The following KLHL32 variants were observed in gnomAD, a reference collection of about 807,000 sequenced individuals.
KLHL32 encodes the protein kelch like family member 32.
Under a neutral mutation model 64.8 loss-of-function variants are expected in KLHL32, and 35 were observed. The ratio of observed to expected loss-of-function variants is 0.54; its 90% CI spans 0.41 to 0.72. The LOEUF is 0.72. Among genes scored for constraint, KLHL32 ranks in the 30% least tolerant of loss-of-function variants. KLHL32 has a pLI of 0.00. For missense variants in KLHL32, 589 were observed against 768.5 expected (o/e 0.77, Z 2.76); for synonymous variants, 259 against 281.0 (o/e 0.92, Z 0.78).
At chr6:96,990,525 G>T (rs1166676485) in intron 3 of KLHL32, among the ~76,000 whole-genome samples, 1 of 152,134 alleles carries the variant, frequency 6.6e-6, no homozygotes, top group African/African-American at 2.4e-5. Context: ...TCAATTTCTG[G>T]CTGCAGATCT....
intron 1 of KLHL32, among the ~76,000 whole-genome samples, chr6:96,933,581 C>T (rs985621805): frequency 1.3e-5 from 2 of 152,122 alleles, no homozygotes; most frequent in Admixed American, 1.3e-4. Flanking sequence ...ATTCATTTCC[C>T]CTTTGTATCT....
intron 3 of KLHL32, among the ~76,000 whole-genome samples, chr6:96,992,870 T>G (rs546305456): frequency 6.6e-6 from 1 of 152,374 alleles, no homozygotes; most frequent in South Asian, 2.1e-4. Flanking sequence ...AGAGCTGATT[T>G]TCACACATCT....
chr6:96,902,063 TTAA>T, the KLHL32 span, among the ~76,000 whole-genome samples: 3 of 152,182 alleles, frequency 2.0e-5, no homozygotes, highest in East Asian at 3.8e-4. Flanking sequence ...TGTCTTTTTA[TTAA>T]TAATAGAACA....
At chr6:97,021,000 C>G (rs1781910165) in intron 3 of KLHL32, among the ~76,000 whole-genome samples, 1 of 150,516 alleles carries the variant, frequency 6.6e-6, no homozygotes, top group African/African-American at 2.5e-5. Flanking sequence ...TATATGTATT[C>G]CTATATGATA....
intron 3 of KLHL32, among the ~76,000 whole-genome samples, chr6:97,004,177 G>C (rs767674002): frequency 4.6e-5 from 7 of 151,916 alleles, no homozygotes; most frequent in Non-Finnish European, 1.0e-4. Flanking sequence ...TGTAAATCTT[G>C]TAGAGATCTT....
upstream of KLHL32, among the ~76,000 whole-genome samples, chr6:96,924,239 AC>A: frequency 6.6e-6 from 1 of 152,300 alleles, no homozygotes; most frequent in Non-Finnish European, 1.5e-5. Context: ...TCCCTGGAAC[AC>A]CGAGTTAGGG....
intron 3 of KLHL32, among the ~76,000 whole-genome samples, chr6:97,031,340 CA>C (rs1197278488): frequency 1.9e-4 from 27 of 142,254 alleles, no homozygotes; most frequent in African/African-American, 7.0e-4. Context: ...AAGTTTTTAA[CA>C]TTTTTTTTTT....
intron 1 of KLHL32, among the ~76,000 whole-genome samples, chr6:96,928,075 A>G (rs535803984): frequency 7.2e-5 from 11 of 152,358 alleles, no homozygotes; most frequent in African/African-American, 2.6e-4. Context: ...TGCAGGTTAT[A>G]GACATGTACA....
rs545184175 is a variant in KLHL32, at chr6:96,944,852, T to G, written c.-66+19826T>G. Among the ~76,000 whole-genome samples, 85 of 152,348 alleles carry G rather than the reference T, an allele frequency of 5.6e-4. 1 individual carries two copies. The highest frequency in any genetic ancestry group is 4.1e-3 in the Admixed American group (63 of 15,306). On this transcript the variant is annotated intron_variant, in intron 1 of 10. Transcript: ENST00000369261. ...GTCTTCTTTGGTGGAATCTTCTGAA[T>G]CTATTCTTCATCGAAGAATAAACAG...
intron 1 of KLHL32, among the ~76,000 whole-genome samples, chr6:96,943,586 C>G (rs1020942762): frequency 6.6e-6 from 1 of 152,170 alleles, no homozygotes; most frequent in Admixed American, 6.5e-5. Context: ...ACTGGCTTGG[C>G]CAGTGAAACC....
chr6:96,927,221 C>T (rs1443770153), intron 1 of KLHL32, among the ~76,000 whole-genome samples: 1 of 151,848 alleles, frequency 6.6e-6, no homozygotes, highest in African/African-American at 2.4e-5. Context: ...TTTTTCTTGC[C>T]ATAAGGCCAA....
intron 6 of KLHL32, among the ~76,000 whole-genome samples, chr6:97,091,612 T>G (rs1345374095): frequency 6.6e-6 from 1 of 152,214 alleles, no homozygotes; most frequent in African/African-American, 2.4e-5. Context: ...TAATGATTTC[T>G]TTGCCAAGTT....
chr6:97,128,847 G>A (rs978691892), intron 8 of KLHL32, among the ~76,000 whole-genome samples: 9 of 152,260 alleles, frequency 5.9e-5, no homozygotes, highest in Non-Finnish European at 1.0e-4. Flanking sequence ...ATGCAGGCAG[G>A]CTTTGCAAAC....
chr6:97,088,089 G>A (rs898314442), intron 6 of KLHL32, among the ~76,000 whole-genome samples: 2 of 152,038 alleles, frequency 1.3e-5, no homozygotes, highest in Non-Finnish European at 2.9e-5. Context: ...CCCTTCCATG[G>A]TCTGAAATGA....
intron 2 of KLHL32, among the ~76,000 whole-genome samples, chr6:96,973,834 T>C (rs1775397763): frequency 1.3e-5 from 2 of 150,624 alleles, no homozygotes; most frequent in Admixed American, 1.3e-4. Context: ...GCAATTCTCC[T>C]GCCTCAGCCT....
At chr6:96,964,742 T>G (rs1774265971) in intron 1 of KLHL32, among the ~76,000 whole-genome samples, 2 of 152,168 alleles carry the variant, frequency 1.3e-5, no homozygotes, top group Non-Finnish European at 2.9e-5. Context: ...TATAAATATA[T>G]GGAGGATATA....
intron 4 of KLHL32, among the ~76,000 whole-genome samples, chr6:97,051,826 G>A (rs576551503): frequency 2.0e-5 from 3 of 152,186 alleles, no homozygotes; most frequent in African/African-American, 7.2e-5. Flanking sequence ...GATTTTTAAA[G>A]CACATGAACT....
chr6:97,138,983 C>T (rs1800378449), intron 10 of KLHL32, 138 bp from the exon 11 acceptor site: 2 of 757,242 alleles, frequency 2.6e-6, no homozygotes, highest in South Asian at 2.0e-5. Flanking sequence ...TAGTACCATC[C>T]AAGCAAGAAA....
intron 6 of KLHL32, among the ~76,000 whole-genome samples, chr6:97,112,742 G>A (rs1056288036): frequency 4.0e-5 from 6 of 151,026 alleles, no homozygotes; most frequent in Admixed American, 6.6e-5. Flanking sequence ...ACCATGCCTG[G>A]CCCTGATGAA....
Sources: allele counts gnomAD v4.1 joint callset (sites outside exome capture counted in the v4.1 genomes callset), GRCh38; gene constraint gnomAD v4.1.1; transcripts MANE v1.5; gene names NCBI Gene and HGNC (gene_info 2026-07-23, HGNC 2026-07-21).